DIAPH2: variants seen among roughly 807,000 people sequenced by gnomAD.
DIAPH2 encodes the protein diaphanous related formin 2.
DIAPH2 carries 35 observed loss-of-function variants against 92.7 expected under a neutral mutation model. The observed-to-expected ratio is 0.38, with a 90% CI of 0.29 to 0.50. The LOEUF (loss-of-function observed/expected upper bound fraction) is 0.50, where lower values mean the gene tolerates loss of function less well. Among genes scored for constraint, DIAPH2 ranks in the 20% least tolerant of loss-of-function variants. The pLI, the probability that DIAPH2 is intolerant of heterozygous loss-of-function variation, is 0.94. For missense variants in DIAPH2, 701 were observed against 819.5 expected (o/e 0.86, Z 1.77); for synonymous variants, 301 against 280.4 (o/e 1.07, Z -0.73).
At chrX:97,313,128 T>A (rs1464219283) in intron 23 of DIAPH2, among the ~76,000 whole-genome samples, 2 of 110,883 alleles carry the variant, frequency 1.8e-5, no homozygotes, top group African/African-American at 3.3e-5. Flanking sequence ...GAGTTTGCAG[T>A]GATCCGAGAT....
At chrX:97,292,864 A>G (rs1405425240) in intron 23 of DIAPH2, among the ~76,000 whole-genome samples, 1 of 111,759 alleles carries the variant, frequency 8.9e-6, no homozygotes, top group African/African-American at 3.2e-5. Flanking sequence ...TATATTTGGA[A>G]GCGGTCAGGA....
At position 97,185,499 on chromosome X, in the gene DIAPH2, A is replaced by G. The variant is rs1349236541; in HGVS notation, c.2719+43705A>G. On this transcript the variant is annotated intron_variant, in intron 22 of 26. Coordinates refer to ENST00000324765, the MANE Select transcript of DIAPH2 (RefSeq NM_006729.5). ...CATATATATATATATATATATATAT[A>G]TATATATATATATATATATATCTCA... 1.5e-3 allele frequency among the ~76,000 whole-genome samples: 83 copies of G among 55,285 alleles called. 5 individuals are homozygous for G. Among genetic ancestry groups the G allele is most frequent in the African/African-American group, 5.8e-3 (80 of 13,835 alleles). 48.0% of individuals were successfully genotyped at this position (55,285 alleles called of 115,157 possible). A position where few individuals can be genotyped will look rare whatever the true frequency, so the allele number is the denominator to read the frequency against.
At chrX:97,175,474 T>G (rs970144580) in intron 22 of DIAPH2, among the ~76,000 whole-genome samples, 8 of 112,365 alleles carry the variant, frequency 7.1e-5, no homozygotes, top group Non-Finnish European at 1.5e-4. Context: ...TATGAACAAC[T>G]AAAAATTTCT....
intron 5 of DIAPH2, among the ~76,000 whole-genome samples, chrX:96,883,292 G>C (rs1032115914): frequency 9.0e-6 from 1 of 111,308 alleles, no homozygotes; most frequent in Non-Finnish European, 1.9e-5. Flanking sequence ...CCAGTGTTAA[G>C]ATGTGACTTA....
At chrX:97,517,293 G>C (rs896164065) in intron 26 of DIAPH2, among the ~76,000 whole-genome samples, 2 of 111,735 alleles carry the variant, frequency 1.8e-5, no homozygotes, top group Non-Finnish European at 3.8e-5. Flanking sequence ...TTTTATACAG[G>C]TGATGGTTTA....
At chrX:97,195,362 T>A (rs1321505244) in intron 22 of DIAPH2, among the ~76,000 whole-genome samples, 1 of 111,545 alleles carries the variant, frequency 9.0e-6, no homozygotes, top group Non-Finnish European at 1.9e-5. Context: ...GAGAAATGAT[T>A]AAAAGTGGAT....
At chrX:96,687,771 G>C (rs1291010495) in intron 1 of DIAPH2, among the ~76,000 whole-genome samples, 2 of 111,427 alleles carry the variant, frequency 1.8e-5, no homozygotes, top group East Asian at 5.6e-4. Flanking sequence ...TTCTATTTAA[G>C]ATTACTTAAA....
intron 16 of DIAPH2, among the ~76,000 whole-genome samples, chrX:96,959,069 C>G (rs1325620450): frequency 9.0e-6 from 1 of 111,618 alleles, no homozygotes; most frequent in African/African-American, 3.2e-5. Flanking sequence ...GTGCAGGTAT[C>G]TCTTTGATAT....
intron 14 of DIAPH2, 52 bp downstream of exon 14, chrX:96,945,643 G>GGT (rs771422903): frequency 3.6e-6 from 3 of 844,928 alleles, no homozygotes; most frequent in Non-Finnish European, 4.9e-6. Context: ...TTTAATCACA[G>GGT]TAATACTCTA....
chrX:97,220,564 G>A (rs375174959), intron 22 of DIAPH2, among the ~76,000 whole-genome samples: 5 of 111,638 alleles, frequency 4.5e-5, no homozygotes, highest in South Asian at 7.5e-4. Context: ...CAGAGGGGCC[G>A]TGGTAAAATG....
chrX:97,216,847 T>A (rs1025953625), intron 22 of DIAPH2, among the ~76,000 whole-genome samples: 2 of 111,667 alleles, frequency 1.8e-5, no homozygotes, highest in African/African-American at 6.5e-5. Context: ...CTGTGGCACT[T>A]ATCGATTTTC....
chrX:97,091,385 C>A (rs947325271), intron 19 of DIAPH2, among the ~76,000 whole-genome samples: 1 of 110,737 alleles, frequency 9.0e-6, no homozygotes, highest in African/African-American at 3.3e-5. Flanking sequence ...CTGAGATCTT[C>A]TCACCTTGGC....
chrX:97,551,793 A>G (rs1212725793), intron 26 of DIAPH2, among the ~76,000 whole-genome samples: 2 of 110,809 alleles, frequency 1.8e-5, no homozygotes, highest in Non-Finnish European at 3.8e-5. Flanking sequence ...CTGGCTATTT[A>G]CATATAACTT....
chrX:97,043,980 A>G (rs1460156655), intron 17 of DIAPH2, among the ~76,000 whole-genome samples: 2 of 112,305 alleles, frequency 1.8e-5, no homozygotes, highest in Non-Finnish European at 3.8e-5. Flanking sequence ...CTTTAATTGC[A>G]TGCTTTTATA....
At chrX:97,318,900 ATAT>A (rs1027844119) in intron 23 of DIAPH2, among the ~76,000 whole-genome samples, 3 of 111,855 alleles carry the variant, frequency 2.7e-5, no homozygotes, top group Non-Finnish European at 5.6e-5. Context: ...CTTCTCAGTG[ATAT>A]TATTAATAGA....
chrX:97,253,850 A>G lies in DIAPH2; in HGVS notation c.2844+6011A>G, dbSNP rs746895804. Reference sequence around the variant, plus strand: ...GAAAGAAGTTAAAGTGGTAAAGGCCAATTTTATTCAGCAACTATTGCAATA... The same window carrying G: ...GAAAGAAGTTAAAGTGGTAAAGGCCGATTTTATTCAGCAACTATTGCAATA... On this transcript the variant is annotated intron_variant, in intron 23 of 26. Coordinates refer to ENST00000324765, the MANE Select transcript of DIAPH2 (RefSeq NM_006729.5). Among the ~76,000 whole-genome samples, 67 of 112,434 alleles carry G rather than the reference A, an allele frequency of 6.0e-4. 1 individual carries two copies. The highest frequency in any genetic ancestry group is 2.1e-3 in the African/African-American group (66 of 31,006).
intron 18 of DIAPH2, among the ~76,000 whole-genome samples, chrX:97,074,144 C>T (rs1022490100): frequency 7.1e-5 from 8 of 111,948 alleles, no homozygotes; most frequent in African/African-American, 1.6e-4. Flanking sequence ...CGGTGGCTCA[C>T]GCCTATAATC....
chrX:97,579,205 G>A (rs1292060836), intron 26 of DIAPH2, among the ~76,000 whole-genome samples: 1 of 108,732 alleles, frequency 9.2e-6, no homozygotes, highest in Non-Finnish European at 1.9e-5. Context: ...TTTGTCTTTT[G>A]TTGCCATTGC....
intron 4 of DIAPH2, among the ~76,000 whole-genome samples, chrX:96,840,137 A>G (rs2064925824): frequency 8.9e-6 from 1 of 112,255 alleles, no homozygotes; most frequent in Non-Finnish European, 1.9e-5. Flanking sequence ...TATGATGTGT[A>G]TTTTACATTT....
Sources: gnomAD v4.1 joint callset for allele counts (sites outside exome capture counted in the v4.1 genomes callset) on GRCh38, gnomAD v4.1.1 for gene constraint, MANE v1.5 for transcripts, NCBI Gene and HGNC (gene_info 2026-07-23, HGNC 2026-07-21) for gene names.